DDO: variants seen among roughly 807,000 people sequenced by gnomAD.
DDO encodes the protein D-aspartate oxidase, also known as D-aspartate oxidase, DDO.
Under a neutral mutation model 16.8 loss-of-function variants are expected in DDO, and 16 were observed. That is an observed-to-expected ratio of 0.95 (90% CI 0.65 to 1.45). The LOEUF (loss-of-function observed/expected upper bound fraction) is 1.45, where lower values mean the gene tolerates loss of function less well. Among genes scored for constraint, DDO ranks in the 40% most tolerant of loss-of-function variants. The probability of loss-of-function intolerance (pLI) is 0.00; values close to 1 mark genes in which losing one functional copy is unlikely to be tolerated. For missense variants in DDO, 429 were observed against 420.3 expected (o/e 1.02, Z -0.18); for synonymous variants, 180 against 167.2 (o/e 1.08, Z -0.59).
At chr6:110,400,849 G>T (rs2114821158) in intron 4 of DDO, among the ~76,000 whole-genome samples, 1 of 152,356 alleles carries the variant, frequency 6.6e-6, no homozygotes, top group Middle Eastern at 3.4e-3. Context: ...GGCACCCAGA[G>T]GACCCCTGTC....
chr6:110,413,919 G>T (rs998916493), intron 1 of DDO, among the ~76,000 whole-genome samples: 2 of 152,042 alleles, frequency 1.3e-5, no homozygotes, highest in African/African-American at 4.8e-5. Flanking sequence ...GATTACAGGT[G>T]CCCACCACCA....
At chr6:110,401,992 T>C (rs1198629594) in intron 4 of DDO, among the ~76,000 whole-genome samples, 1 of 152,234 alleles carries the variant, frequency 6.6e-6, no homozygotes, top group Non-Finnish European at 1.5e-5. Flanking sequence ...ATTACTTCTA[T>C]GCATTCTCAC....
At chr6:110,393,385 G>A in intron 4 of DDO, 43 bp from the exon 5 acceptor site, 2 of 1,507,740 alleles carry the variant, frequency 1.3e-6, no homozygotes, top group Non-Finnish European at 8.8e-7. Context: ...TTAGCGACCT[G>A]ATCAACTACT....
intron 4 of DDO, 128 bp from the exon 5 acceptor site, chr6:110,393,470 C>G (rs1034942031): frequency 7.5e-7 from 1 of 1,339,016 alleles, no homozygotes; most frequent in African/African-American, 1.5e-5. Flanking sequence ...TCAGGAGCTT[C>G]CAGGGCCCAG....
intron 3 of DDO, among the ~76,000 whole-genome samples, chr6:110,406,879 C>G (rs752885755): frequency 6.6e-6 from 1 of 152,208 alleles, no homozygotes; most frequent in African/African-American, 2.4e-5. Flanking sequence ...CCATAGCACC[C>G]TAGCCTCTTC....
intron 3 of DDO, among the ~76,000 whole-genome samples, chr6:110,407,940 G>GTCCCTC (rs1773711728): frequency 6.6e-6 from 1 of 152,062 alleles, no homozygotes; most frequent in Admixed American, 6.6e-5. Context: ...TAAATAAGAA[G>GTCCCTC]TCCCTCTCCC....
chr6:110,393,574 C>T (rs766971923), intron 4 of DDO, among the ~76,000 whole-genome samples: 6 of 152,158 alleles, frequency 3.9e-5, no homozygotes, highest in Admixed American at 6.5e-5. Context: ...AAATTCAAAA[C>T]AAAGGAAATT....
chr6:110,392,313 A>G lies in DDO; in HGVS notation c.*462T>C. On this transcript the variant is annotated 3_prime_UTR_variant, in exon 5 of 5. Coordinates refer to ENST00000368924, the MANE Select transcript of DDO (RefSeq NM_001372108.2). ...ACATTATCTCCTCCTGTGGATTTAT[A>G]AGCCAAATGATATCAAAATCTCTAT... The G allele has an allele frequency of 2.0e-6, 2 of 985,960 alleles. No homozygotes were observed. Among genetic ancestry groups the G allele is most frequent in the Non-Finnish European group, 2.4e-6 (2 of 830,306 alleles). The allele number at this position is 985,960 out of a possible 1,614,324, so 61.1% of individuals were successfully genotyped here. A position where few individuals can be genotyped will look rare whatever the true frequency, so the allele number is the denominator to read the frequency against.
intron 3 of DDO, among the ~76,000 whole-genome samples, chr6:110,406,890 C>G (rs1185272417): frequency 2.0e-5 from 3 of 152,226 alleles, no homozygotes; most frequent in Admixed American, 2.0e-4. Context: ...TAGCCTCTTC[C>G]TTTTGGTAAC....
In DDO at chr6:110,415,138, G is replaced by T. The variant is rs544391441; in HGVS notation, c.-5+329C>A. Reference sequence around the variant, plus strand: ...CTGCCAGGGCTGAGGGAAGAGAAGGGAACGGGCCCAGGCCAGAGCAGTCTG... The same window carrying T: ...CTGCCAGGGCTGAGGGAAGAGAAGGTAACGGGCCCAGGCCAGAGCAGTCTG... On this transcript the variant is annotated intron_variant, in intron 1 of 4. Coordinates refer to ENST00000368924, the MANE Select transcript of DDO (RefSeq NM_001372108.2). Among the ~76,000 whole-genome samples, 17 of 152,382 alleles carry T rather than the reference G, an allele frequency of 1.1e-4. 2 individuals are homozygous for T. In the South Asian group the frequency reaches 3.5e-3, roughly 32 times the overall value.
intron 4 of DDO, among the ~76,000 whole-genome samples, chr6:110,399,928 C>A (rs1773420363): frequency 6.6e-6 from 1 of 152,244 alleles, no homozygotes; most frequent in Non-Finnish European, 1.5e-5. Flanking sequence ...GGTAAAAGGG[C>A]AGCCCTCGGT....
intron 4 of DDO, among the ~76,000 whole-genome samples, chr6:110,402,934 C>G (rs922597616): frequency 6.6e-6 from 1 of 152,182 alleles, no homozygotes; most frequent in Non-Finnish European, 1.5e-5. Context: ...AGGGCTCCAG[C>G]CAGGTTTTCT....
downstream of DDO, chr6:110,391,704 A>G (rs558438689): frequency 1.3e-4 from 20 of 152,292 alleles, no homozygotes; most frequent in African/African-American, 4.8e-4. Context: ...CGTCCACCCA[A>G]GCTCTCTAGA....
Position 110,392,741 on chromosome 6 carries a change from G to A in DDO, c.*34C>T. Reference sequence around the variant, plus strand: ...AACCTGTTCTGTGCTTTGATCAACAGTCTCTCAGTCTCTTTGCTGTCATTT... The same window carrying A: ...AACCTGTTCTGTGCTTTGATCAACAATCTCTCAGTCTCTTTGCTGTCATTT... On this transcript the variant is annotated 3_prime_UTR_variant, in exon 5 of 5. Coordinates refer to ENST00000368924, the MANE Select transcript of DDO (RefSeq NM_001372108.2). 6.6e-7 allele frequency: 1 copy of A among 1,505,420 alleles called. No homozygotes were observed. The highest frequency in any genetic ancestry group is 8.8e-7 in the Non-Finnish European group (1 of 1,130,032). The allele number at this position is 1,505,420 out of a possible 1,614,324, so 93.3% of individuals were successfully genotyped here. A position where few individuals can be genotyped will look rare whatever the true frequency, so the allele number is the denominator to read the frequency against.
At chr6:110,404,436 AT>A (rs2114827540) in intron 4 of DDO, among the ~76,000 whole-genome samples, 1 of 152,372 alleles carries the variant, frequency 6.6e-6, no homozygotes, top group African/African-American at 2.4e-5. Flanking sequence ...CTGGAAATAT[AT>A]TCTCCAAACT....
rs755822127 is a variant in DDO, at chr6:110,393,031, C to T, written c.770G>A (p.Arg257Gln). The T allele has an allele frequency of 5.2e-5, 84 of 1,611,226 alleles. No homozygotes were observed. The highest frequency in any genetic ancestry group is 6.1e-5 in the Non-Finnish European group (72 of 1,177,558). The change falls in exon 5 of 5, where the codon CGA becomes CAA. Residue 257 changes from arginine to glutamine, a missense_variant. Transcript: ENST00000368924. ...GAGGGAGGGCTCCAGAGCACAGCATCGGGAAAGAATCTCTCTGCTATTTTC... is the reference window on the plus strand; with the variant it reads ...GAGGGAGGGCTCCAGAGCACAGCATTGGGAAAGAATCTCTCTGCTATTTTC... ...DAENSREILS[R>Q]CCALEPSLHG...
chr6:110,405,783 G>A (rs1773632124), intron 3 of DDO, among the ~76,000 whole-genome samples: 1 of 152,094 alleles, frequency 6.6e-6, no homozygotes, highest in Admixed American at 6.5e-5. Context: ...CAAGCCTGTA[G>A]TCCCAGCTAT....
chr6:110,407,817 A>T (rs1773707982), intron 3 of DDO, among the ~76,000 whole-genome samples: 1 of 152,234 alleles, frequency 6.6e-6, no homozygotes, highest in African/African-American at 2.4e-5. Flanking sequence ...AATGAAATAG[A>T]AGTGTGCTAA....
chr6:110,410,990 C>A (rs960275145), intron 2 of DDO, among the ~76,000 whole-genome samples: 8 of 152,126 alleles, frequency 5.3e-5, no homozygotes, highest in Non-Finnish European at 1.0e-4. Flanking sequence ...AAAGCACCAG[C>A]AAAGGCAGGG....
Sources: gnomAD v4.1 joint callset for allele counts (sites outside exome capture counted in the v4.1 genomes callset) on GRCh38, gnomAD v4.1.1 for gene constraint, MANE v1.5 for transcripts, NCBI Gene and HGNC (gene_info 2026-07-23, HGNC 2026-07-21) for gene names.